DECR1: variants seen among roughly 807,000 people sequenced by gnomAD.
DECR1 encodes 2,4-dienoyl-CoA reductase 1, also known as 2,4-dienoyl-CoA reductase [(3E)-enoyl-CoA-producing], mitochondrial.
A neutral mutation model predicts 38.8 loss-of-function variants in DECR1; 44 were observed. That is an observed-to-expected ratio of 1.13 (90% CI 0.89 to 1.46). The LOEUF (loss-of-function observed/expected upper bound fraction) is 1.46, where lower values mean the gene tolerates loss of function less well. Ranked by LOEUF, DECR1 falls within the 40% of genes most tolerant of loss-of-function variation. The pLI is 0.00. For missense variants in DECR1, 428 were observed against 405.5 expected, an observed-to-expected ratio of 1.06 and a Z score of -0.48; for synonymous variants, 148 against 135.2, an observed-to-expected ratio of 1.09 and a Z score of -0.66.
intron 5 of DECR1, among the ~76,000 whole-genome samples, chr8:90,022,548 G>T (rs1813190404): frequency 6.6e-6 from 1 of 151,980 alleles, no homozygotes; most frequent in Non-Finnish European, 1.5e-5. Flanking sequence ...GGGAAGGGGG[G>T]ACAGGGAAGA....
At chr8:90,020,705 G>A (rs1050164764) in intron 4 of DECR1, among the ~76,000 whole-genome samples, 9 of 152,236 alleles carry the variant, frequency 5.9e-5, no homozygotes, top group African/African-American at 9.6e-5. Context: ...ATTTAAAGAC[G>A]GCTTAGGATT....
At chr8:90,047,348 C>A (rs528159015) in intron 8 of DECR1, among the ~76,000 whole-genome samples, 100 of 151,438 alleles carry the variant, frequency 6.6e-4, no homozygotes, top group African/African-American at 2.4e-3. Context: ...CCCTACCAAG[C>A]AAATGGAAAA....
At chr8:90,048,385 C>T (rs114062162) in intron 8 of DECR1, among the ~76,000 whole-genome samples, 3,335 of 152,018 alleles carry the variant, frequency 0.022, 110 homozygotes, top group African/African-American at 0.075. Context: ...ATACAAACTC[C>T]CATCAGAGAA....
intron 8 of DECR1, 136 bp from the exon 9 acceptor site, chr8:90,051,541 G>T: frequency 1.6e-6 from 1 of 639,900 alleles, no homozygotes; most frequent in Non-Finnish European, 2.7e-6. Flanking sequence ...TTAATCATGA[G>T]TTTTATCTTT....
chr8:90,002,412 C>G (rs1332292377), intron 1 of DECR1, among the ~76,000 whole-genome samples: 1 of 152,154 alleles, frequency 6.6e-6, no homozygotes, highest in East Asian at 1.9e-4. Context: ...GCCCACACTC[C>G]TGTCACCATC....
At chr8:90,035,362 G>A (rs1366478332) in intron 5 of DECR1, among the ~76,000 whole-genome samples, 1 of 151,638 alleles carries the variant, frequency 6.6e-6, no homozygotes, top group Non-Finnish European at 1.5e-5. Flanking sequence ...AGGTCAGTGA[G>A]GTTCTGGGTT....
At chr8:90,040,708 GT>G (rs752502133) in intron 6 of DECR1, among the ~76,000 whole-genome samples, 5 of 152,116 alleles carry the variant, frequency 3.3e-5, no homozygotes, top group African/African-American at 4.8e-5. Context: ...CCACTTATGA[GT>G]AAGAACATGC....
intron 8 of DECR1, among the ~76,000 whole-genome samples, chr8:90,050,971 C>T (rs970257368): frequency 3.9e-5 from 6 of 152,090 alleles, no homozygotes; most frequent in Middle Eastern, 3.4e-3. Context: ...GGGAATTGAA[C>T]AATGAAAACA....
chr8:90,023,243 A>C (rs766196478), intron 5 of DECR1, among the ~76,000 whole-genome samples: 1 of 152,136 alleles, frequency 6.6e-6, no homozygotes, highest in Non-Finnish European at 1.5e-5. Flanking sequence ...AAGTATTTAA[A>C]TTTTTGGTGC....
chr8:90,007,326 TAAGAA>T (rs1223058414), intron 1 of DECR1, among the ~76,000 whole-genome samples: 1 of 151,964 alleles, frequency 6.6e-6, no homozygotes. Context: ...TAGAAGATCT[TAAGAA>T]GAGAAGTAAC....
chr8:90,029,273 T>G (rs1813433942), intron 5 of DECR1: 1 of 152,162 alleles, frequency 6.6e-6, no homozygotes, highest in Non-Finnish European at 1.5e-5. Context: ...AAAATATAAA[T>G]TGTTTTACAG....
chr8:90,003,130 C>T (rs942353444), intron 1 of DECR1: 3 of 152,034 alleles, frequency 2.0e-5, no homozygotes, highest in African/African-American at 7.2e-5. Flanking sequence ...GTGGTTTGTC[C>T]CCTTCCTAGC....
chr8:90,036,894 G>A lies in DECR1; in HGVS notation c.619G>A (p.Val207Ile). ...CTATGCTGAGACTGGTTCAGGTTTT[G>A]TAGTACCAAGTGCTTCTGCCAAAGC... The part of the protein sequence containing the change: ...TIYAETGSGF[V>I]VPSASAKAGV... The change falls in exon 6 of 10, where the codon GTA becomes ATA. Residue 207 changes from valine to isoleucine, a missense_variant. Val to Ile is a conservative substitution (Grantham distance 29). Coordinates refer to ENST00000220764, the MANE Select transcript of DECR1 (RefSeq NM_001359.2). 1.9e-6 allele frequency: 3 copies of A among 1,613,408 alleles called. No homozygotes were observed. Among genetic ancestry groups the A allele is most frequent in the Non-Finnish European group, 2.5e-6 (3 of 1,179,698 alleles).
chr8:90,022,274 T>C (rs80345146), intron 5 of DECR1, among the ~76,000 whole-genome samples: 6,517 of 152,242 alleles, frequency 0.043, 284 homozygotes, highest in East Asian at 0.19. Flanking sequence ...TCTTCTTTTG[T>C]GCAGCGCAGG....
intron 1 of DECR1, among the ~76,000 whole-genome samples, chr8:90,007,851 G>A (rs765527782): frequency 7.2e-5 from 11 of 152,132 alleles, no homozygotes; most frequent in Non-Finnish European, 1.2e-4. Flanking sequence ...GCTGTCCTGC[G>A]CTCTTCTCTT....
chr8:90,034,169 T>G (rs1813562540), intron 5 of DECR1, among the ~76,000 whole-genome samples: 1 of 152,166 alleles, frequency 6.6e-6, no homozygotes, highest in South Asian at 2.1e-4. Context: ...CTTTCTACTC[T>G]GGAACATGCT....
At chr8:90,005,998 G>C (rs1291893287) in intron 1 of DECR1, 1 of 565,282 alleles carries the variant, frequency 1.8e-6, no homozygotes, top group East Asian at 2.9e-5. Context: ...CTGCTTTAGT[G>C]GGAACTAATA....
intron 1 of DECR1, among the ~76,000 whole-genome samples, chr8:90,003,550 C>A (rs1193877565): frequency 6.6e-6 from 1 of 152,174 alleles, no homozygotes; most frequent in Non-Finnish European, 1.5e-5. Context: ...TAATTAAGTA[C>A]CTATTAAGTA....
intron 1 of DECR1, among the ~76,000 whole-genome samples, chr8:90,006,455 C>T (rs1338460885): frequency 3.3e-5 from 5 of 152,160 alleles, no homozygotes; most frequent in Admixed American, 3.3e-4. Context: ...AGGTGAGAGA[C>T]AGCTTAGTGA....
Sources: allele counts gnomAD v4.1 joint callset (sites outside exome capture counted in the v4.1 genomes callset), GRCh38; gene constraint gnomAD v4.1.1; transcripts MANE v1.5; gene names NCBI Gene and HGNC (gene_info 2026-07-23, HGNC 2026-07-21).